Variants in UBE3C observed in about 807,000 individuals in gnomAD.
UBE3C encodes ubiquitin-protein ligase E3C.
UBE3C carries 42 observed loss-of-function variants against 129.4 expected under a neutral mutation model. The observed-to-expected ratio is 0.32, with a 90% confidence interval of 0.25 to 0.42. The LOEUF is 0.42. Ranked by LOEUF, UBE3C falls within the 10% of genes least tolerant of loss-of-function variation. The pLI, the probability that UBE3C is intolerant of heterozygous loss-of-function variation, is 1.00. For synonymous variants in UBE3C, 510 were observed against 492.4 expected (o/e 1.04, Z -0.47); for missense variants, 1,049 against 1,319.1 (o/e 0.80, Z 3.17).
At chr7:157,199,870 T>G (rs1484881847) in intron 10 of UBE3C, among the ~76,000 whole-genome samples, 1 of 152,170 alleles carries the variant, frequency 6.6e-6, no homozygotes, top group African/African-American at 2.4e-5. Context: ...ACTTGTATTA[T>G]TACCATTTTT....
intron 5 of UBE3C, among the ~76,000 whole-genome samples, chr7:157,178,053 G>A (rs762654754): frequency 6.6e-6 from 1 of 152,106 alleles, no homozygotes; most frequent in Admixed American, 6.6e-5. Context: ...ATTGGGGTGG[G>A]GGGAAAGAGG....
chr7:157,151,105 T>TCACCA (rs1278087585), intron 1 of UBE3C, among the ~76,000 whole-genome samples: 5 of 152,168 alleles, frequency 3.3e-5, no homozygotes, highest in Non-Finnish European at 7.3e-5. Context: ...CAGCCCACTC[T>TCACCA]CGGGGTGAGG....
At chr7:157,146,594 C>T (rs1027874980) in intron 1 of UBE3C, among the ~76,000 whole-genome samples, 1 of 152,186 alleles carries the variant, frequency 6.6e-6, no homozygotes, top group Non-Finnish European at 1.5e-5. Flanking sequence ...TTGTCAATAC[C>T]ATACCATCTT....
chr7:157,167,702 A>T (rs1427123592), intron 2 of UBE3C, among the ~76,000 whole-genome samples: 1 of 151,756 alleles, frequency 6.6e-6, no homozygotes, highest in Non-Finnish European at 1.5e-5. Context: ...ATGCCCGGCT[A>T]ATTTTTTGTA....
At chr7:157,213,823 A>T (rs1809661256) in intron 13 of UBE3C, among the ~76,000 whole-genome samples, 1 of 152,228 alleles carries the variant, frequency 6.6e-6, no homozygotes, top group South Asian at 2.1e-4. Context: ...AAATAAAAAG[A>T]CAGGTCACCT....
chr7:157,160,836 A>G (rs1808049277), intron 1 of UBE3C, among the ~76,000 whole-genome samples: 1 of 152,166 alleles, frequency 6.6e-6, no homozygotes, highest in African/African-American at 2.4e-5. Flanking sequence ...TTCTGTGAGG[A>G]AAAGAGTTTT....
intron 10 of UBE3C, chr7:157,198,554 A>T (rs1809189133): frequency 3.2e-6 from 1 of 308,572 alleles, no homozygotes. Flanking sequence ...ATTTTTTTCG[A>T]CAGGGAGTCT....
chr7:157,184,166 C>A, intron 9 of UBE3C, 137 bp downstream of exon 9: 1 of 1,101,922 alleles, frequency 9.1e-7, no homozygotes, highest in Non-Finnish European at 1.3e-6. Context: ...CCGTCAGCCC[C>A]ACTACCACAG....
intron 17 of UBE3C, among the ~76,000 whole-genome samples, chr7:157,228,701 C>A: frequency 6.6e-6 from 1 of 152,206 alleles, no homozygotes; most frequent in East Asian, 1.9e-4. Context: ...AGCACTGCAT[C>A]CCTGCTGCTG....
rs1205781936 is a variant in UBE3C at position 157,168,943 on chromosome 7, A to G, written c.121-105A>G. 3 of 810,436 alleles carry G rather than the reference A, an allele frequency of 3.7e-6. No homozygotes were observed. The African/African-American group carries it at 5.2e-5, about 14-fold the overall frequency. The allele number at this position is 810,436 out of a possible 1,614,324, so 50.2% of individuals were successfully genotyped here. A position where few individuals can be genotyped will look rare whatever the true frequency, so the allele number is the denominator to read the frequency against. ...CCTTTTAAAGAATGAATTTTATGGT[A>G]TGTGAATTACATAGCTGTTAGTGTT... is the stretch of plus-strand genomic sequence containing the variant. On this transcript the variant is annotated intron_variant, in intron 2 of 22. Transcript: ENST00000348165.
chr7:157,193,266 A>AT (rs1809023248), intron 10 of UBE3C, among the ~76,000 whole-genome samples: 6 of 140,350 alleles, frequency 4.3e-5, no homozygotes, highest in South Asian at 4.4e-4. Flanking sequence ...GTCCAGTAAT[A>AT]TTTTTTTAAA....
chr7:157,192,889 CAAAG>C, intron 10 of UBE3C: 5 of 813,730 alleles, frequency 6.1e-6, no homozygotes, highest in Non-Finnish European at 1.0e-5. Flanking sequence ...AAGGGATTAT[CAAAG>C]AAGACATTTG....
chr7:157,250,163 G>A (rs1199067130), intron 19 of UBE3C, among the ~76,000 whole-genome samples: 1 of 152,150 alleles, frequency 6.6e-6, no homozygotes, highest in Admixed American at 6.5e-5. Context: ...TGGCTGTGTG[G>A]GGTTGGGAGC....
intron 18 of UBE3C, among the ~76,000 whole-genome samples, chr7:157,238,218 A>G (rs1199776634): frequency 6.6e-6 from 1 of 152,172 alleles, no homozygotes; most frequent in Admixed American, 6.5e-5. Flanking sequence ...AGGCGGCAGT[A>G]AGTAGAGTGG....
chr7:157,240,968 G>T (rs750316821), intron 18 of UBE3C, among the ~76,000 whole-genome samples: 3 of 152,174 alleles, frequency 2.0e-5, no homozygotes, highest in East Asian at 1.9e-4. Flanking sequence ...GAATTAAGGG[G>T]CAGTGACTGA....
At chr7:157,160,644 C>A (rs1808044814) in intron 1 of UBE3C, among the ~76,000 whole-genome samples, 1 of 152,096 alleles carries the variant, frequency 6.6e-6, no homozygotes, top group South Asian at 2.1e-4. Flanking sequence ...AAATTTCTCC[C>A]CTTTAAATTT....
chr7:157,168,148 G>A (rs574053959), intron 2 of UBE3C, among the ~76,000 whole-genome samples: 10 of 151,878 alleles, frequency 6.6e-5, no homozygotes, highest in Admixed American at 1.3e-4. Flanking sequence ...TCAGGAGATC[G>A]AGACCATCCT....
chr7:157,241,820 T>C (rs1467742003), intron 18 of UBE3C, among the ~76,000 whole-genome samples: 2 of 152,178 alleles, frequency 1.3e-5, no homozygotes, highest in Admixed American at 6.5e-5. Context: ...AGTGGACTAT[T>C]ACTGGGCCGT....
chr7:157,161,037 A>G (rs929946299), intron 1 of UBE3C, among the ~76,000 whole-genome samples: 1 of 152,330 alleles, frequency 6.6e-6, no homozygotes, highest in South Asian at 2.1e-4. Context: ...TAAGAACTCT[A>G]TAAGATTGGA....
Sources: allele counts gnomAD v4.1 joint callset (sites outside exome capture counted in the v4.1 genomes callset), GRCh38; gene constraint gnomAD v4.1.1; transcripts MANE v1.5; gene names NCBI Gene and HGNC (gene_info 2026-07-23, HGNC 2026-07-21).